ELMO1: variants seen among roughly 807,000 people sequenced by gnomAD.
ELMO1 encodes engulfment and cell motility 1.
A neutral mutation model predicts 98.9 loss-of-function variants in ELMO1; 26 were observed. That is an observed-to-expected ratio of 0.26 (90% CI 0.19 to 0.36). ELMO1 has a LOEUF of 0.36. ELMO1 is among the 10% of genes least tolerant of loss of function. ELMO1 has a pLI of 1.00. For missense variants in ELMO1, 627 were observed against 935.2 expected (o/e 0.67, Z 4.30); for synonymous variants, 346 against 346.0 (o/e 1.00, Z 0.00).
At chr7:37,334,644 C>T (rs558493353) in intron 2 of ELMO1, among the ~76,000 whole-genome samples, 6 of 152,254 alleles carry the variant, frequency 3.9e-5, no homozygotes, top group African/African-American at 1.4e-4. Context: ...TATTGCCTGC[C>T]ACATAGTGTG....
At chr7:37,434,847 C>G (rs1231470879) in intron 1 of ELMO1, among the ~76,000 whole-genome samples, 1 of 152,234 alleles carries the variant, frequency 6.6e-6, no homozygotes, top group African/African-American at 2.4e-5. Flanking sequence ...TCCCTGACTA[C>G]ATTAATCTCC....
Position 36,870,387 on chromosome 7 carries a change from T to C in ELMO1, c.1905+6A>G, listed in dbSNP as rs1803407304. 6.2e-7 allele frequency: 1 copy of C among 1,613,950 alleles called. No homozygotes were observed. On this transcript the variant is annotated splice_donor_region_variant and intron_variant, in intron 20 of 21. Coordinates refer to ENST00000310758, the MANE Select transcript of ELMO1 (RefSeq NM_014800.11). This position sits in a 1 kb window ranked among gnomAD's most constrained non-coding sequence, Gnocchi z 4.4. ...AGAGCTATTTGCAATAATTTGGAAATCATACCTTGTTTTGTTTAAGGGCAC... is the reference window on the plus strand; with the variant it reads ...AGAGCTATTTGCAATAATTTGGAAACCATACCTTGTTTTGTTTAAGGGCAC...
chr7:37,166,820 T>C (rs1256447058), intron 13 of ELMO1, among the ~76,000 whole-genome samples: 4 of 152,198 alleles, frequency 2.6e-5, no homozygotes, highest in Admixed American at 1.3e-4. Context: ...TTCTATTGAT[T>C]TGGGGAGGAG....
At chr7:36,876,358 G>T (rs1321222816) in intron 19 of ELMO1, among the ~76,000 whole-genome samples, 1 of 151,612 alleles carries the variant, frequency 6.6e-6, no homozygotes, top group African/African-American at 2.4e-5. Context: ...TTTATGAAAG[G>T]GTTGTGATAT....
intron 16 of ELMO1, among the ~76,000 whole-genome samples, chr7:36,992,344 G>A (rs913158322): frequency 2.6e-5 from 4 of 152,200 alleles, no homozygotes; most frequent in Non-Finnish European, 4.4e-5. Context: ...AAGAGCATGG[G>A]CCTGAAGAAC....
intron 8 of ELMO1, among the ~76,000 whole-genome samples, chr7:37,231,317 G>T (rs1323497597): frequency 1.5e-5 from 2 of 136,140 alleles, no homozygotes; most frequent in African/African-American, 5.4e-5. Flanking sequence ...TCTCCCCTAA[G>T]ATAATGATTA....
At chr7:37,445,549 G>A (rs1436038323) in intron 1 of ELMO1, among the ~76,000 whole-genome samples, 2 of 152,176 alleles carry the variant, frequency 1.3e-5, no homozygotes, top group Admixed American at 6.5e-5. Context: ...TTCAGCAAAG[G>A]CTTCAAAGCC....
intron 16 of ELMO1, among the ~76,000 whole-genome samples, chr7:36,956,068 G>T (rs910729605): frequency 6.6e-6 from 1 of 152,198 alleles, no homozygotes; most frequent in African/African-American, 2.4e-5. Flanking sequence ...CAAAGTAGGT[G>T]TCCACCTCAA....
At chr7:37,278,125 T>TTC (rs1796946502) in intron 4 of ELMO1, among the ~76,000 whole-genome samples, 2 of 87,648 alleles carry the variant, frequency 2.3e-5, no homozygotes, top group Admixed American at 2.4e-4. Flanking sequence ...TTTTTTTTTT[T>TTC]TTTTTTTTTT....
intron 1 of ELMO1, among the ~76,000 whole-genome samples, chr7:37,362,517 C>T (rs1275579977): frequency 6.6e-6 from 1 of 152,156 alleles, no homozygotes; most frequent in African/African-American, 2.4e-5. Context: ...TTTCTCCAGG[C>T]ATCGCCTCTA....
chr7:37,334,420 G>A (rs377206390), intron 2 of ELMO1, among the ~76,000 whole-genome samples: 8 of 152,154 alleles, frequency 5.3e-5, no homozygotes, highest in Non-Finnish European at 8.8e-5. Context: ...CACTCCAGCC[G>A]GGGCAACAAG....
chr7:37,036,761 C>CA (rs1562913358), intron 15 of ELMO1, among the ~76,000 whole-genome samples: 1 of 152,076 alleles, frequency 6.6e-6, no homozygotes, highest in Non-Finnish European at 1.5e-5. Flanking sequence ...CATGTAGGTG[C>CA]CGGAATTTCA....
At position 37,220,956 on chromosome 7, in the gene ELMO1, C is replaced by T. The variant is rs969537516; in HGVS notation, c.780+1659G>A. 8.5e-5 allele frequency among the ~76,000 whole-genome samples: 13 copies of T among 152,312 alleles called. No individual in the cohort carries two copies. The South Asian group carries it at 1.5e-3, about 17-fold the overall frequency. ...GACCCCGTTGCTCCAATGCCCAAGT[C>T]AAGCTTGGGTATGTACACGGTGAGA... On this transcript the variant is annotated intron_variant, in intron 10 of 21. Transcript: ENST00000310758.
At chr7:37,410,202 A>G (rs923060372) in intron 1 of ELMO1, among the ~76,000 whole-genome samples, 1 of 152,250 alleles carries the variant, frequency 6.6e-6, no homozygotes, top group African/African-American at 2.4e-5. Flanking sequence ...TTGACATGAA[A>G]AAAAATGAAC....
At chr7:37,062,330 T>A (rs1337348245) in intron 15 of ELMO1, among the ~76,000 whole-genome samples, 1 of 152,206 alleles carries the variant, frequency 6.6e-6, no homozygotes, top group Non-Finnish European at 1.5e-5. Context: ...CCAGAGTACA[T>A]AAAGCCATGT....
intron 2 of ELMO1, among the ~76,000 whole-genome samples, chr7:37,324,500 G>A (rs1799691677): frequency 6.6e-6 from 1 of 152,204 alleles, no homozygotes; most frequent in Admixed American, 6.5e-5. Context: ...GAACAGACAC[G>A]AGAAAAGGTT....
intron 1 of ELMO1, among the ~76,000 whole-genome samples, chr7:37,428,622 A>C (rs534171466): frequency 6.6e-6 from 1 of 152,248 alleles, no homozygotes; most frequent in African/African-American, 2.4e-5. Flanking sequence ...AAAGACCCCT[A>C]GGAAATATTT....
intron 7 of ELMO1, among the ~76,000 whole-genome samples, chr7:37,236,686 A>G (rs1422016808): frequency 1.3e-5 from 2 of 152,216 alleles, no homozygotes; most frequent in Admixed American, 6.5e-5. Flanking sequence ...TCCCATATGG[A>G]AGAACTTTTT....
intron 1 of ELMO1, among the ~76,000 whole-genome samples, chr7:37,369,549 A>G (rs530901333): frequency 6.6e-6 from 1 of 152,262 alleles, no homozygotes; most frequent in East Asian, 1.9e-4. Flanking sequence ...AAACAATTCC[A>G]GAGATTAACT....
Sources: gnomAD v4.1 joint callset for allele counts (sites outside exome capture counted in the v4.1 genomes callset) on GRCh38, gnomAD v4.1.1 for gene constraint, Gnocchi (gnomAD v3.1) non-coding constraint, MANE v1.5 for transcripts, NCBI Gene and HGNC (gene_info 2026-07-23, HGNC 2026-07-21) for gene names.